The following MEIKIN variants were observed in gnomAD, a reference collection of about 807,000 sequenced individuals.
The protein encoded by MEIKIN is meiosis-specific kinetochore protein.
At chr5:131,919,450 T>C (rs536370366) in intron 6 of MEIKIN, among the ~76,000 whole-genome samples, 1 of 152,322 alleles carries the variant, frequency 6.6e-6, no homozygotes, top group East Asian at 1.9e-4. Flanking sequence ...GTATTGTTGA[T>C]GGTGGCAAAA....
chr5:131,930,222 T>G (rs181741672), intron 5 of MEIKIN, among the ~76,000 whole-genome samples: 1 of 152,346 alleles, frequency 6.6e-6, no homozygotes, highest in East Asian at 1.9e-4. Flanking sequence ...AATAGCCACC[T>G]TGACTGGTAT....
intron 8 of MEIKIN, among the ~76,000 whole-genome samples, chr5:131,895,843 G>A (rs7728468): frequency 0.014 from 2,158 of 152,176 alleles, 39 homozygotes; most frequent in African/African-American, 0.046. Context: ...ACCAGCACCT[G>A]GATTCACTGA....
chr5:131,866,830 G>A (rs1750393539), intron 9 of MEIKIN, among the ~76,000 whole-genome samples: 1 of 152,128 alleles, frequency 6.6e-6, no homozygotes, highest in African/African-American at 2.4e-5. Context: ...ATTGCTTTTG[G>A]CTAAAGAAGT....
At chr5:131,842,358 G>A (rs1475289350) in intron 11 of MEIKIN, among the ~76,000 whole-genome samples, 7 of 152,138 alleles carry the variant, frequency 4.6e-5, no homozygotes, top group Admixed American at 4.6e-4. Flanking sequence ...GAAGTAGCAA[G>A]AATGGGTACT....
intron 12 of MEIKIN, among the ~76,000 whole-genome samples, chr5:131,811,887 C>T (rs902654068): frequency 6.6e-6 from 1 of 152,218 alleles, no homozygotes; most frequent in African/African-American, 2.4e-5. Flanking sequence ...AGCCACTGCG[C>T]CCAGCCCGGC....
rs150656421 is a variant in MEIKIN, at chr5:131,912,285, AGATT to A, written c.639-410_639-407del. 2.9e-3 allele frequency among the ~76,000 whole-genome samples: 442 copies of A among 151,564 alleles called. 4 individuals carry two copies. The highest frequency in any genetic ancestry group is 9.7e-3 in the African/African-American group (402 of 41,432). On this transcript the variant is annotated intron_variant, in intron 7 of 12. Transcript: ENST00000442687. ...TGGAAAGAATTTTAAGATACATGAC[AGATT>A]GATTATTATTATTATTATATTATTA...
chr5:131,811,915 A>G (rs546450078), intron 12 of MEIKIN, among the ~76,000 whole-genome samples: 26 of 152,354 alleles, frequency 1.7e-4, no homozygotes, highest in Admixed American at 1.4e-3. Flanking sequence ...TTCTTAAAGT[A>G]TAACAAATAC....
At chr5:131,887,609 G>C (rs911909733) in intron 8 of MEIKIN, among the ~76,000 whole-genome samples, 6 of 152,088 alleles carry the variant, frequency 3.9e-5, no homozygotes, top group African/African-American at 1.2e-4. Context: ...ATTATTTCAT[G>C]TGTCTGTTGG....
At chr5:131,835,433 C>T (rs971367384) in intron 11 of MEIKIN, among the ~76,000 whole-genome samples, 1 of 152,112 alleles carries the variant, frequency 6.6e-6, no homozygotes, top group African/African-American at 2.4e-5. Context: ...CAAGAAATCA[C>T]TGCTAAGACC....
intron 3 of MEIKIN, among the ~76,000 whole-genome samples, chr5:131,943,440 A>G (rs1751907464): frequency 6.6e-6 from 1 of 152,228 alleles, no homozygotes; most frequent in South Asian, 2.1e-4. Context: ...TCTGTAACAG[A>G]ATGTCTATGG....
At position 131,884,657 on chromosome 5, in the gene MEIKIN, G is replaced by A. The variant is rs1278599839; in HGVS notation, c.704-5609C>T. 3.9e-5 allele frequency among the ~76,000 whole-genome samples: 6 copies of A among 152,000 alleles called. No homozygotes were observed. The East Asian group carries it at 1.2e-3, about 29-fold the overall frequency. On this transcript the variant is annotated intron_variant, in intron 8 of 12. Transcript: ENST00000442687. The stretch of plus-strand genomic sequence containing the variant: ...TCTGCCTGAGAAAAGTGAGGGAAAT[G>A]TAAAGGAGATTTTATCTTGCACCTT...
intron 9 of MEIKIN, among the ~76,000 whole-genome samples, chr5:131,869,625 G>T (rs1177042565): frequency 6.6e-6 from 1 of 152,150 alleles, no homozygotes; most frequent in African/African-American, 2.4e-5. Flanking sequence ...GTTTCACATA[G>T]TTCCTTTCTC....
chr5:131,878,120 C>G (rs191872366), intron 9 of MEIKIN, among the ~76,000 whole-genome samples: 4 of 152,138 alleles, frequency 2.6e-5, no homozygotes, highest in Non-Finnish European at 5.9e-5. Context: ...TGAGGGGGGA[C>G]TACTATACAT....
intron 5 of MEIKIN, among the ~76,000 whole-genome samples, chr5:131,924,977 C>T (rs1751564840): frequency 6.6e-6 from 1 of 152,078 alleles, no homozygotes; most frequent in African/African-American, 2.4e-5. Context: ...GTATTTAATC[C>T]AATTTGAATT....
At chr5:131,896,831 A>ACTCTTGAC (rs1317183280) in intron 8 of MEIKIN, among the ~76,000 whole-genome samples, 1 of 152,162 alleles carries the variant, frequency 6.6e-6, no homozygotes, top group Non-Finnish European at 1.5e-5. Context: ...TTGACTCTTT[A>ACTCTTGAC]TCCAATTTGC....
intron 9 of MEIKIN, among the ~76,000 whole-genome samples, chr5:131,856,832 A>G (rs1750201776): frequency 6.6e-6 from 1 of 151,536 alleles, no homozygotes. Flanking sequence ...GTACATATTT[A>G]TAGTCTTTTC....
chr5:131,835,066 A>T (rs1749778272), intron 11 of MEIKIN, among the ~76,000 whole-genome samples: 1 of 151,996 alleles, frequency 6.6e-6, no homozygotes, highest in South Asian at 2.1e-4. Context: ...TCTTCATATA[A>T]GTGTTGGCCA....
intron 9 of MEIKIN, 45 bp from the exon 10 acceptor site, chr5:131,854,879 TA>T (rs1263833501): frequency 1.0e-5 from 4 of 396,146 alleles, no homozygotes; most frequent in African/African-American, 8.2e-5. Context: ...CAGAAAGAAA[TA>T]AACTATTTTA....
At chr5:131,845,745 G>T (rs1425479078) in intron 11 of MEIKIN, among the ~76,000 whole-genome samples, 3 of 151,830 alleles carry the variant, frequency 2.0e-5, no homozygotes, top group African/African-American at 7.3e-5. Context: ...TTAGTCTGAA[G>T]AAAATAAATT....
Sources: gnomAD v4.1 joint callset for allele counts (sites outside exome capture counted in the v4.1 genomes callset) on GRCh38, gnomAD v4.1.1 for gene constraint, MANE v1.5 for transcripts, NCBI Gene and HGNC (gene_info 2026-07-23, HGNC 2026-07-21) for gene names.